ABCD3: variants seen among roughly 807,000 people sequenced by gnomAD.
ABCD3 encodes ATP binding cassette subfamily D member 3.
A neutral mutation model predicts 105.5 loss-of-function variants in ABCD3; 41 were observed. The observed-to-expected ratio is 0.39, with a 90% CI of 0.30 to 0.50. ABCD3 has a LOEUF of 0.50. Among genes scored for constraint, ABCD3 ranks in the 20% least tolerant of loss-of-function variants. The pLI, the probability that ABCD3 is intolerant of heterozygous loss-of-function variation, is 0.84. For synonymous variants in ABCD3, 258 were observed against 269.0 expected (o/e 0.96, Z 0.40); for missense variants, 622 against 806.3 (o/e 0.77, Z 2.77).
chr1:94,394,973 T>C, the ABCD3 span, among the ~76,000 whole-genome samples: 1 of 152,212 alleles, frequency 6.6e-6, no homozygotes, highest in African/African-American at 2.4e-5. Flanking sequence ...TTCCCACCAA[T>C]GCCCTGTGTC....
At chr1:94,473,163 CAGGT>C (rs1237120853) in intron 4 of ABCD3, among the ~76,000 whole-genome samples, 1 of 152,164 alleles carries the variant, frequency 6.6e-6, no homozygotes, top group Non-Finnish European at 1.5e-5. Flanking sequence ...CTAGGACCCA[CAGGT>C]CAAATCTCAC....
At chr1:94,391,548 T>G in the ABCD3 span, among the ~76,000 whole-genome samples, 1 of 152,268 alleles carries the variant, frequency 6.6e-6, no homozygotes, top group South Asian at 2.1e-4. Context: ...GGAATCTCAA[T>G]TCCATGGCAA....
At chr1:94,412,781 G>T in the ABCD3 span, among the ~76,000 whole-genome samples, 2 of 152,240 alleles carry the variant, frequency 1.3e-5, no homozygotes, top group African/African-American at 4.8e-5. Flanking sequence ...TGGGGTCTTT[G>T]CCAATCTGGC....
At chr1:94,485,438 G>A (rs991829847) in intron 10 of ABCD3, among the ~76,000 whole-genome samples, 1 of 152,132 alleles carries the variant, frequency 6.6e-6, no homozygotes, top group Non-Finnish European at 1.5e-5. Flanking sequence ...TCAGAAATTG[G>A]ATTTTTGCCT....
At chr1:94,506,494 A>T in intron 20 of ABCD3, 44 bp from the exon 21 acceptor site, 1 of 1,151,836 alleles carries the variant, frequency 8.7e-7, no homozygotes, top group Non-Finnish European at 1.3e-6. Context: ...TACTAATTTT[A>T]GGTCTGCCTG....
intron 10 of ABCD3, among the ~76,000 whole-genome samples, chr1:94,484,410 G>A (rs1649180359): frequency 6.6e-6 from 1 of 152,168 alleles, no homozygotes; most frequent in South Asian, 2.1e-4. Flanking sequence ...GTGATAGACT[G>A]GACAAAGAAA....
intron 1 of ABCD3, among the ~76,000 whole-genome samples, chr1:94,457,722 G>T (rs1647649453): frequency 6.6e-6 from 1 of 152,104 alleles, no homozygotes; most frequent in South Asian, 2.1e-4. Context: ...CACTCTGATG[G>T]ACAGTGCTTG....
chr1:94,484,874 G>C (rs567553310), intron 10 of ABCD3, among the ~76,000 whole-genome samples: 8 of 152,246 alleles, frequency 5.3e-5, no homozygotes, highest in African/African-American at 1.9e-4. Flanking sequence ...ATTTGTTCCT[G>C]AAGCATTCAT....
At chr1:94,407,766 T>G in the ABCD3 span, among the ~76,000 whole-genome samples, 1 of 152,250 alleles carries the variant, frequency 6.6e-6, no homozygotes, top group African/African-American at 2.4e-5. Context: ...GGACCAAATC[T>G]GGCCTACCTT....
chr1:94,500,700 C>T (rs774479188), intron 20 of ABCD3, among the ~76,000 whole-genome samples: 7 of 152,164 alleles, frequency 4.6e-5, no homozygotes, highest in East Asian at 1.9e-4. Flanking sequence ...TTGTTACCTC[C>T]GAGTCCCTGA....
At chr1:94,467,890 T>A in intron 3 of ABCD3, 29 bp from the exon 4 acceptor site, 1 of 1,523,828 alleles carries the variant, frequency 6.6e-7, no homozygotes. Context: ...AATGCATGTA[T>A]TTAATTTACT....
chr1:94,473,753 TGGTG>T lies in ABCD3; in HGVS notation c.336-11_336-8del. 6.2e-7 allele frequency: 1 copy of T among 1,608,718 alleles called. No homozygotes were observed. The highest frequency in any genetic ancestry group is 8.5e-7 in the Non-Finnish European group (1 of 1,175,532). On this transcript the variant is annotated splice_polypyrimidine_tract_variant and intron_variant, in intron 4 of 22. Coordinates refer to ENST00000370214, the MANE Select transcript of ABCD3 (RefSeq NM_002858.4). ...TCTTTTGCAACTAATGCATTGCATG[TGGTG>T]GTTTGCAGTGGTATCATTGGTCGTA...
intron 16 of ABCD3, among the ~76,000 whole-genome samples, chr1:94,497,828 C>G (rs1649895288): frequency 6.6e-6 from 1 of 152,038 alleles, no homozygotes; most frequent in African/African-American, 2.4e-5. Context: ...ATAGTATATC[C>G]TTACTATGGA....
At position 94,469,102 on chromosome 1, in the gene ABCD3, T is replaced by C. The variant is rs556309566; in HGVS notation, c.335+1095T>C. ...CTTAATGACAAAACACATGAATTCCTTGGCTCCTCTCACTCACAACTGTCA... is the reference window on the plus strand; with the variant it reads ...CTTAATGACAAAACACATGAATTCCCTGGCTCCTCTCACTCACAACTGTCA... On this transcript the variant is annotated intron_variant, in intron 4 of 22. Coordinates refer to ENST00000370214, the MANE Select transcript of ABCD3 (RefSeq NM_002858.4). Among the ~76,000 whole-genome samples the C allele has an allele frequency of 2.0e-5, 3 of 152,340 alleles. No homozygotes were observed. In the East Asian group the frequency reaches 5.8e-4, roughly 29 times the overall value.
intron 1 of ABCD3, among the ~76,000 whole-genome samples, chr1:94,444,008 T>C (rs942271471): frequency 6.6e-6 from 1 of 152,156 alleles, no homozygotes; most frequent in Admixed American, 6.5e-5. Context: ...CATGTCTTTT[T>C]TATTTCATTA....
intron 10 of ABCD3, among the ~76,000 whole-genome samples, chr1:94,485,286 C>T (rs1485384616): frequency 6.6e-6 from 1 of 152,072 alleles, no homozygotes; most frequent in Non-Finnish European, 1.5e-5. Context: ...ACTCCAGGTG[C>T]TAAGGATGAT....
intron 21 of ABCD3, among the ~76,000 whole-genome samples, chr1:94,510,285 T>C (rs1048634692): frequency 1.3e-5 from 2 of 152,150 alleles, no homozygotes; most frequent in African/African-American, 2.4e-5. Context: ...TCAGTTTCCA[T>C]GTAGTTGAGT....
chr1:94,451,460 T>G (rs998385010), intron 1 of ABCD3, among the ~76,000 whole-genome samples: 1 of 152,200 alleles, frequency 6.6e-6, no homozygotes, highest in Non-Finnish European at 1.5e-5. Context: ...TTAAACCAAG[T>G]TCCTTGAGAA....
intron 2 of ABCD3, among the ~76,000 whole-genome samples, chr1:94,461,216 A>G (rs901340357): frequency 1.3e-5 from 2 of 152,104 alleles, no homozygotes; most frequent in Non-Finnish European, 2.9e-5. Flanking sequence ...TAATTTTTCT[A>G]CAGTGAATAT....
Sources: gnomAD v4.1 joint callset for allele counts (sites outside exome capture counted in the v4.1 genomes callset) on GRCh38, gnomAD v4.1.1 for gene constraint, MANE v1.5 for transcripts, NCBI Gene and HGNC (gene_info 2026-07-23, HGNC 2026-07-21) for gene names.